Variants in GAN observed in about 807,000 individuals in gnomAD.
GAN encodes epididymis secretory sperm binding protein.
A neutral mutation model predicts 71.3 loss-of-function variants in GAN; 48 were observed. The ratio of observed to expected loss-of-function variants is 0.67; its 90% CI spans 0.53 to 0.86. The LOEUF (loss-of-function observed/expected upper bound fraction) is 0.86, where lower values mean the gene tolerates loss of function less well. GAN is among the 40% of genes least tolerant of loss of function. The probability of loss-of-function intolerance (pLI) is 0.00; values close to 1 mark genes in which losing one functional copy is unlikely to be tolerated. For synonymous variants in GAN, 386 were observed against 276.8 expected, an observed-to-expected ratio of 1.39 and a Z score of -3.92; for missense variants, 928 against 770.1, an observed-to-expected ratio of 1.21 and a Z score of -2.43.
chr16:81,334,956 C>G (rs1909706473), intron 1 of GAN, among the ~76,000 whole-genome samples: 1 of 152,112 alleles, frequency 6.6e-6, no homozygotes, highest in African/African-American at 2.4e-5. Context: ...CAAACAAAGT[C>G]ACTATTTTCA....
chr16:81,356,851 C>A lies in GAN; in HGVS notation c.700C>A (p.Gln234Lys). Residue 234 changes from glutamine (Q) to lysine (K), a missense_variant, in exon 4 of 11, where the codon CAG becomes AAG. Coordinates refer to ENST00000648994, the MANE Select transcript of GAN (RefSeq NM_022041.4). ...GTTGGACTCCAGTTATTTACGGGAA[C>A]AGATGCTGAATGAACCATTAGTACG... ...SGLDSSYLRE[Q>K]MLNEPLVREI... 1.9e-6 allele frequency: 3 copies of A among 1,613,708 alleles called. No homozygotes were observed. The highest frequency in any genetic ancestry group is 2.2e-5 in the South Asian group (2 of 91,076).
intron 1 of GAN, among the ~76,000 whole-genome samples, chr16:81,335,473 A>G (rs944547749): frequency 6.6e-6 from 1 of 152,076 alleles, no homozygotes; most frequent in African/African-American, 2.4e-5. Flanking sequence ...ATGGCCGGGC[A>G]TGGTGGCTCA....
At chr16:81,321,475 G>A (rs1909221501) in intron 1 of GAN, among the ~76,000 whole-genome samples, 1 of 152,136 alleles carries the variant, frequency 6.6e-6, no homozygotes, top group Middle Eastern at 3.2e-3. Context: ...ATTTAGGATT[G>A]AAGTAAAATG....
chr16:81,315,408 G>A (rs1567475937), intron 1 of GAN, 128 bp downstream of exon 1: 2 of 587,180 alleles, frequency 3.4e-6, no homozygotes, highest in Non-Finnish European at 4.9e-6. Flanking sequence ...CGTCACCGTT[G>A]GCGCGGCGTC....
At chr16:81,327,183 A>C (rs1324864715) in intron 1 of GAN, among the ~76,000 whole-genome samples, 2 of 152,246 alleles carry the variant, frequency 1.3e-5, no homozygotes, top group Admixed American at 1.3e-4. Context: ...CTGATGAGAG[A>C]GCGTTTTGTC....
intron 1 of GAN, among the ~76,000 whole-genome samples, chr16:81,348,399 T>A (rs34684636): frequency 0.021 from 3,195 of 152,338 alleles, 58 homozygotes; most frequent in East Asian, 0.082. Context: ...TCCTTTAAGT[T>A]ACCTTTTTTC....
In GAN at chr16:81,385,978, T is replaced by C. The variant is rs1462064172; in HGVS notation, c.*8382T>C. On this transcript the variant is annotated 3_prime_UTR_variant, in exon 11 of 11. Transcript: ENST00000648994. ...ATTGCCCAGGCTGGTCTCGAGCTCC[T>C]GAGCTCAGGCAATCCGCCTGCCTCA... 1.3e-5 allele frequency: 2 copies of C among 152,150 alleles called. No homozygotes were observed. The highest frequency in any genetic ancestry group is 3.9e-4 in the East Asian group (2 of 5,180). The allele number at this position is 152,150 out of a possible 1,614,324, so 9.4% of individuals were successfully genotyped here. A position where few individuals can be genotyped will look rare whatever the true frequency, so the allele number is the denominator to read the frequency against.
At chr16:81,373,048 C>G (rs777138622) in intron 9 of GAN, among the ~76,000 whole-genome samples, 3 of 152,176 alleles carry the variant, frequency 2.0e-5, no homozygotes, top group Non-Finnish European at 4.4e-5. Flanking sequence ...CTGAGTTGTT[C>G]TGTGGTCATT....
chr16:81,374,083 T>A (rs1904275026), intron 9 of GAN, among the ~76,000 whole-genome samples: 1 of 152,208 alleles, frequency 6.6e-6, no homozygotes, highest in Admixed American at 6.5e-5. Flanking sequence ...TTCATCCTCT[T>A]GAAGGTTATT....
intron 9 of GAN, among the ~76,000 whole-genome samples, chr16:81,374,219 A>G (rs1044073338): frequency 1.3e-5 from 2 of 152,250 alleles, no homozygotes; most frequent in African/African-American, 4.8e-5. Flanking sequence ...GCATCATATC[A>G]GGGAGAACAC....
rs373538131 is a variant in GAN, at chr16:81,354,068, T to G, written c.283-337T>G. On this transcript the variant is annotated intron_variant, in intron 2 of 10. Coordinates refer to ENST00000648994, the MANE Select transcript of GAN (RefSeq NM_022041.4). ...GACTTTACCATAGAATGTAGAACTTTCCATTTCCCAAGCATTTGAGTCATT... is the reference window on the plus strand; with the variant it reads ...GACTTTACCATAGAATGTAGAACTTGCCATTTCCCAAGCATTTGAGTCATT... Among the ~76,000 whole-genome samples the G allele has an allele frequency of 1.2e-4, 19 of 152,324 alleles. No individual in the cohort carries two copies. In the East Asian group the frequency reaches 1.5e-3, roughly 12 times the overall value.
chr16:81,370,032 A>C (rs185959045), intron 9 of GAN, among the ~76,000 whole-genome samples: 2 of 152,346 alleles, frequency 1.3e-5, no homozygotes, highest in East Asian at 3.9e-4. Flanking sequence ...GACATAGCTA[A>C]TGTATTTTCT....
rs11861054 is a variant in GAN at position 81,358,168 on chromosome 16, C to A, written c.973+237C>A. On this transcript the variant is annotated intron_variant, in intron 5 of 10. Coordinates refer to ENST00000648994, the MANE Select transcript of GAN (RefSeq NM_022041.4). Reference sequence around the variant, plus strand: ...TTAAGAACTACTGGAGAAGCAGTTACTTGATGACTTAATGTCAGGAGAGCA... The same window carrying A: ...TTAAGAACTACTGGAGAAGCAGTTAATTGATGACTTAATGTCAGGAGAGCA... Among the ~76,000 whole-genome samples the A allele has an allele frequency of 0.021, 3,174 of 152,246 alleles. 55 individuals are homozygous for A. Among genetic ancestry groups the A allele is most frequent in the East Asian group, 0.083 (429 of 5,188 alleles).
intron 1 of GAN, among the ~76,000 whole-genome samples, chr16:81,318,980 G>A (rs984174337): frequency 6.6e-6 from 1 of 152,068 alleles, no homozygotes; most frequent in Non-Finnish European, 1.5e-5. Context: ...TTGGTTCCTG[G>A]GTGAGATTTT....
intron 1 of GAN, among the ~76,000 whole-genome samples, chr16:81,327,664 G>T (rs1002191009): frequency 1.3e-5 from 2 of 152,210 alleles, no homozygotes. Flanking sequence ...AATGGAAAGT[G>T]AGTAGAAACA....
chr16:81,364,838 A>G (rs1274418290), intron 7 of GAN, 136 bp from the exon 8 acceptor site: 1 of 852,676 alleles, frequency 1.2e-6, no homozygotes, highest in Admixed American at 1.8e-5. Flanking sequence ...TAATACTGAA[A>G]AGCACCATCG....
intron 2 of GAN, 31 bp from the exon 3 acceptor site, chr16:81,354,374 C>A (rs773910375): frequency 3.6e-6 from 5 of 1,377,084 alleles, no homozygotes; most frequent in East Asian, 2.3e-5. Flanking sequence ...TGTACACATT[C>A]AAATATAAGA....
At chr16:81,368,249 C>G (rs187471939) in intron 9 of GAN, among the ~76,000 whole-genome samples, 2 of 152,284 alleles carry the variant, frequency 1.3e-5, no homozygotes, top group East Asian at 1.9e-4. Context: ...ATTTCTGTTC[C>G]TTGTGTCCAT....
Position 81,386,302 on chromosome 16 carries a change from GA to G in GAN, c.*8707del, listed in dbSNP as rs1904399298. 6.6e-6 allele frequency: 1 copy of G among 152,142 alleles called. No individual in the cohort carries two copies. The highest frequency in any genetic ancestry group is 1.5e-5 in the Non-Finnish European group (1 of 68,008). The allele number at this position is 152,142 out of a possible 1,614,324, so 9.4% of individuals were successfully genotyped here. ...AGTAATCTGTATTGGTCAAAGAAAC[GA>G]GATAATTCCTAGATCTCTGTTTTAG... On this transcript the variant is annotated 3_prime_UTR_variant, in exon 11 of 11. Coordinates refer to ENST00000648994, the MANE Select transcript of GAN (RefSeq NM_022041.4).
Sources: gnomAD v4.1 joint callset for allele counts (sites outside exome capture counted in the v4.1 genomes callset) on GRCh38, gnomAD v4.1.1 for gene constraint, MANE v1.5 for transcripts, NCBI Gene and HGNC (gene_info 2026-07-23, HGNC 2026-07-21) for gene names.